The following PLGRKT variants were observed in gnomAD, a reference collection of about 807,000 sequenced individuals.
The protein encoded by PLGRKT is plasminogen receptor with a C-terminal lysine.
In PLGRKT, 22 loss-of-function variants were observed where a neutral mutation model predicts 18.5. The ratio of observed to expected loss-of-function variants is 1.19; its 90% confidence interval spans 0.85 to 1.70. The LOEUF (loss-of-function observed/expected upper bound fraction) is 1.70. Ranked by LOEUF, PLGRKT falls within the 40% of genes most tolerant of loss-of-function variation. PLGRKT has a pLI of 0.00. For missense variants in PLGRKT, 235 were observed against 174.4 expected, an observed-to-expected ratio of 1.35 and a Z score of -1.96; for synonymous variants, 72 against 52.8, an observed-to-expected ratio of 1.36 and a Z score of -1.58.
chr9:5,412,529 T>A (rs2131146387), intron 3 of PLGRKT, among the ~76,000 whole-genome samples: 1 of 152,348 alleles, frequency 6.6e-6, no homozygotes, highest in Non-Finnish European at 1.5e-5. Flanking sequence ...TGCTCTGTCT[T>A]ATCATATGAT....
At chr9:5,428,499 G>A (rs1417041954) in intron 3 of PLGRKT, among the ~76,000 whole-genome samples, 1 of 152,158 alleles carries the variant, frequency 6.6e-6, no homozygotes, top group Non-Finnish European at 1.5e-5. Flanking sequence ...CTGAAATAAT[G>A]ATGGCTCTGA....
chr9:5,409,189 T>C (rs933703371), intron 3 of PLGRKT, among the ~76,000 whole-genome samples: 5 of 152,322 alleles, frequency 3.3e-5, no homozygotes, highest in South Asian at 2.1e-4. Flanking sequence ...CTTGATTGGA[T>C]TGAAGGATGC....
rs188954828 is a variant in PLGRKT at position 5,386,418 on chromosome 9, A to G, written c.82-24530T>C. 4.2e-4 allele frequency among the ~76,000 whole-genome samples: 64 copies of G among 151,994 alleles called. 4 individuals carry two copies. Among genetic ancestry groups the G allele is most frequent in the African/African-American group, 1.5e-3 (62 of 41,270 alleles). On this transcript the variant is annotated intron_variant, in intron 3 of 5. Transcript: ENST00000223864. Reference sequence around the variant, plus strand: ...TCTGGGGACACTTATGATTGTCACAATTGAAGTATGCTACTGGCATCTAGT... The same window carrying G: ...TCTGGGGACACTTATGATTGTCACAGTTGAAGTATGCTACTGGCATCTAGT...
At chr9:5,428,958 T>C (rs901407003) in intron 3 of PLGRKT, among the ~76,000 whole-genome samples, 4 of 152,210 alleles carry the variant, frequency 2.6e-5, no homozygotes, top group Non-Finnish European at 4.4e-5. Context: ...TGCCATGGTC[T>C]CCCAGTGTGC....
intron 3 of PLGRKT, among the ~76,000 whole-genome samples, chr9:5,380,872 A>G (rs970907263): frequency 2.0e-5 from 3 of 152,142 alleles, no homozygotes; most frequent in Non-Finnish European, 2.9e-5. Context: ...CTATGTATAG[A>G]GGGAGGGAGC....
intron 5 of PLGRKT, among the ~76,000 whole-genome samples, chr9:5,360,475 A>G (rs1817239121): frequency 6.6e-6 from 1 of 152,196 alleles, no homozygotes; most frequent in Non-Finnish European, 1.5e-5. Flanking sequence ...ATTTTGGAAA[A>G]CAGGTGGCCA....
chr9:5,379,688 C>T (rs1028886753), intron 3 of PLGRKT, among the ~76,000 whole-genome samples: 1 of 152,142 alleles, frequency 6.6e-6, no homozygotes, highest in African/African-American at 2.4e-5. Flanking sequence ...AAATGTTGAA[C>T]TTCATTTGTA....
intron 3 of PLGRKT, among the ~76,000 whole-genome samples, chr9:5,364,216 CA>C (rs1319086763): frequency 6.6e-6 from 1 of 152,172 alleles, no homozygotes; most frequent in Non-Finnish European, 1.5e-5. Flanking sequence ...ATCAGGCATC[CA>C]TAATTTCTAA....
chr9:5,391,321 G>A (rs577577976), intron 3 of PLGRKT, among the ~76,000 whole-genome samples: 1 of 152,052 alleles, frequency 6.6e-6, no homozygotes, highest in South Asian at 2.1e-4. Context: ...AACATGTCTT[G>A]AAAACATTGC....
intron 3 of PLGRKT, among the ~76,000 whole-genome samples, chr9:5,401,192 C>T (rs1044765249): frequency 6.6e-6 from 1 of 151,742 alleles, no homozygotes; most frequent in Non-Finnish European, 1.5e-5. Flanking sequence ...CCAGTCTACA[C>T]AAGACACAGG....
At chr9:5,392,239 T>C (rs1337040983) in intron 3 of PLGRKT, 3 of 151,922 alleles carry the variant, frequency 2.0e-5, no homozygotes, top group Non-Finnish European at 4.4e-5. Flanking sequence ...TGTCAAGTTG[T>C]TATGGATGTT....
intron 3 of PLGRKT, among the ~76,000 whole-genome samples, chr9:5,402,717 A>C (rs1322984154): frequency 6.6e-6 from 1 of 151,992 alleles, no homozygotes; most frequent in Non-Finnish European, 1.5e-5. Context: ...ACTTATGTCA[A>C]ATAGTGATCT....
intron 3 of PLGRKT, among the ~76,000 whole-genome samples, chr9:5,409,924 G>A (rs1197045881): frequency 6.6e-6 from 1 of 152,064 alleles, no homozygotes; most frequent in Non-Finnish European, 1.5e-5. Context: ...ACATTCTAAG[G>A]CATGGCTTTT....
At chr9:5,390,665 T>A (rs898186085) in intron 3 of PLGRKT, among the ~76,000 whole-genome samples, 5 of 151,826 alleles carry the variant, frequency 3.3e-5, no homozygotes, top group Non-Finnish European at 7.4e-5. Context: ...ATCTCAACCA[T>A]GGCATTCCTC....
intron 3 of PLGRKT, among the ~76,000 whole-genome samples, chr9:5,390,675 C>G (rs1427333543): frequency 6.6e-6 from 1 of 151,870 alleles, no homozygotes; most frequent in Non-Finnish European, 1.5e-5. Context: ...TGGCATTCCT[C>G]CAAACTGCAG....
chr9:5,437,461 C>T (rs1818981963), intron 1 of PLGRKT, among the ~76,000 whole-genome samples: 2 of 152,206 alleles, frequency 1.3e-5, no homozygotes, highest in African/African-American at 4.8e-5. Context: ...TAACACCGCC[C>T]TTGCTCCCTG....
At chr9:5,409,019 G>C (rs1306136953) in intron 3 of PLGRKT, among the ~76,000 whole-genome samples, 2 of 152,220 alleles carry the variant, frequency 1.3e-5, no homozygotes, top group Admixed American at 6.5e-5. Flanking sequence ...CTAGATTTTG[G>C]AGGATGTATG....
chr9:5,383,700 G>A (rs998182799), intron 3 of PLGRKT, among the ~76,000 whole-genome samples: 1 of 152,020 alleles, frequency 6.6e-6, no homozygotes, highest in Admixed American at 6.5e-5. Context: ...TCACATGCAC[G>A]GTTCACAACA....
intron 3 of PLGRKT, among the ~76,000 whole-genome samples, chr9:5,423,627 A>G (rs908251023): frequency 1.3e-5 from 2 of 152,016 alleles, no homozygotes; most frequent in African/African-American, 4.8e-5. Context: ...GAAACACTCT[A>G]TGAACAGATT....
Sources: allele counts gnomAD v4.1 joint callset (sites outside exome capture counted in the v4.1 genomes callset), GRCh38; gene constraint gnomAD v4.1.1; transcripts MANE v1.5; gene names NCBI Gene and HGNC (gene_info 2026-07-23, HGNC 2026-07-21).